OIT3: variants seen among roughly 807,000 people sequenced by gnomAD.
The protein encoded by OIT3 is oncoprotein-induced transcript 3 protein.
Under a neutral mutation model 52.2 loss-of-function variants are expected in OIT3, and 41 were observed. The ratio of observed to expected loss-of-function variants is 0.79; its 90% CI spans 0.61 to 1.02. OIT3 has a LOEUF of 1.02. Ranked by LOEUF, OIT3 falls within the 50% of genes least tolerant of loss-of-function variation. OIT3 has a pLI of 0.00. For missense variants in OIT3, 634 were observed against 715.5 expected (o/e 0.89, Z 1.30); for synonymous variants, 244 against 276.9 (o/e 0.88, Z 1.18).
chr10:72,930,518 G>T lies in OIT3; in HGVS notation c.1368-20G>T. On this transcript the variant is annotated intron_variant, in intron 7 of 8. Transcript: ENST00000334011. ...CTGTTGAAACAATCAAGTCTTATGT[G>T]CTATCTGCCCTACTTTCAGCTGTGT... The T allele has an allele frequency of 6.5e-7, 1 of 1,549,276 alleles. No individual in the cohort carries two copies. The highest frequency in any genetic ancestry group is 8.9e-7 in the Non-Finnish European group (1 of 1,121,448).
At chr10:72,899,117 C>A in intron 2 of OIT3, 79 bp downstream of exon 2, 1 of 1,294,026 alleles carries the variant, frequency 7.7e-7, no homozygotes, top group Non-Finnish European at 1.1e-6. Flanking sequence ...ATAGGATATG[C>A]AGTTACAGTG....
rs1012221305 is a variant in OIT3, at chr10:72,908,904, T to C, written c.667+2186T>C. On this transcript the variant is annotated intron_variant, in intron 4 of 8. Transcript: ENST00000334011. ...CTTTAGCTAAGCTATTTGATAATTA[T>C]ATGTTCTTTTTTTTTAAAAAAAAGG... Among the ~76,000 whole-genome samples, 3 of 152,040 alleles carry C rather than the reference T, an allele frequency of 2.0e-5. No individual in the cohort carries two copies. In the South Asian group the frequency reaches 6.2e-4, roughly 32 times the overall value.
chr10:72,930,348 G>A (rs1846205038), intron 7 of OIT3, among the ~76,000 whole-genome samples, 190 bp from the exon 8 acceptor site: 1 of 152,228 alleles, frequency 6.6e-6, no homozygotes, highest in Non-Finnish European at 1.5e-5. Flanking sequence ...GATGCTATTA[G>A]TAAATAAGGC....
At chr10:72,923,714 A>C (rs759457499) in intron 6 of OIT3, among the ~76,000 whole-genome samples, 9 of 152,246 alleles carry the variant, frequency 5.9e-5, no homozygotes, top group Non-Finnish European at 1.3e-4. Flanking sequence ...ATCCAGGAGA[A>C]ACAGGATCGA....
chr10:72,914,504 G>A (rs909833857), intron 6 of OIT3, among the ~76,000 whole-genome samples: 2 of 152,220 alleles, frequency 1.3e-5, no homozygotes, highest in African/African-American at 2.4e-5. Flanking sequence ...GATATTCAAG[G>A]AGCAGGCGGT....
intron 1 of OIT3, among the ~76,000 whole-genome samples, chr10:72,897,276 G>A (rs1346622277): frequency 2.0e-5 from 3 of 152,040 alleles, no homozygotes; most frequent in African/African-American, 4.8e-5. Context: ...CACCCGCCTC[G>A]GCCCCCCAAA....
intron 4 of OIT3, among the ~76,000 whole-genome samples, chr10:72,909,906 A>G (rs1846015234): frequency 6.6e-6 from 1 of 152,154 alleles, no homozygotes; most frequent in Admixed American, 6.5e-5. Context: ...TTGGCCTCCC[A>G]AAGGGCTGGG....
intron 6 of OIT3, chr10:72,918,677 G>C: frequency 1.7e-6 from 1 of 594,196 alleles, no homozygotes; most frequent in Non-Finnish European, 3.0e-6. Context: ...CGTATATGGT[G>C]TAAGGAAGGG....
At chr10:72,904,708 T>TA (rs1845963605) in intron 3 of OIT3, among the ~76,000 whole-genome samples, 2 of 152,232 alleles carry the variant, frequency 1.3e-5, no homozygotes, top group Admixed American at 6.5e-5. Flanking sequence ...TCAAAGCCTC[T>TA]AATTATCACG....
At chr10:72,920,235 T>C (rs1369551927) in intron 6 of OIT3, among the ~76,000 whole-genome samples, 1 of 152,216 alleles carries the variant, frequency 6.6e-6, no homozygotes. Context: ...TTTATAATAT[T>C]CTCTGATGGT....
chr10:72,911,241 A>G (rs185855026), intron 4 of OIT3, among the ~76,000 whole-genome samples: 1 of 152,192 alleles, frequency 6.6e-6, no homozygotes, highest in Non-Finnish European at 1.5e-5. Flanking sequence ...CTCTTGTCCT[A>G]AATATTTGAG....
chr10:72,927,669 G>A (rs1050240748), intron 7 of OIT3, among the ~76,000 whole-genome samples: 8 of 152,162 alleles, frequency 5.3e-5, no homozygotes, highest in African/African-American at 1.9e-4. Context: ...ATGGCTCATA[G>A]GCCATTACCC....
In OIT3 at chr10:72,906,669, TG is replaced by T; in HGVS notation, c.619del (p.Glu207SerfsTer8). 1 of 1,611,670 alleles carries T rather than the reference TG, an allele frequency of 6.2e-7. No homozygotes were observed. The highest frequency in any genetic ancestry group is 8.5e-7 in the Non-Finnish European group (1 of 1,178,784). ...CVNLKNSYRC[E>X]CGVGRVLRSD... ...TGAACCTCAAAAACTCCTACCGCTG[TG>T]AGTGTGGGGTTGGCCGTGTGCTAAG... On this transcript the variant is annotated frameshift_variant, in exon 4 of 9. Coordinates refer to ENST00000334011, the MANE Select transcript of OIT3 (RefSeq NM_152635.3). LOFTEE classifies it high-confidence loss of function.
chr10:72,901,164 T>C (rs972435409), intron 3 of OIT3, among the ~76,000 whole-genome samples: 3 of 152,154 alleles, frequency 2.0e-5, no homozygotes, highest in African/African-American at 7.2e-5. Context: ...TAAAATTAAT[T>C]TCGCCAGTTT....
Position 72,924,226 on chromosome 10 carries a change from C to G in OIT3, c.952-3C>G. The G allele has an allele frequency of 5.0e-6, 8 of 1,585,944 alleles. No individual in the cohort carries two copies. The highest frequency in any genetic ancestry group is 6.9e-6 in the Non-Finnish European group (8 of 1,162,374). ...TTCCTCTCCTCACCCTGGCCTGGCT[C>G]AGGTGGTGAATGACAAGATTGTGGC... On this transcript the variant is annotated splice_polypyrimidine_tract_variant and splice_region_variant and intron_variant, in intron 6 of 8. Transcript: ENST00000334011.
chr10:72,895,015 C>G (rs1845862038), intron 1 of OIT3, among the ~76,000 whole-genome samples: 1 of 152,152 alleles, frequency 6.6e-6, no homozygotes, highest in Admixed American at 6.5e-5. Context: ...TAAGTGTGGA[C>G]TTGAGTTAAT....
intron 7 of OIT3, among the ~76,000 whole-genome samples, chr10:72,930,122 C>T (rs1164277767): frequency 6.6e-6 from 1 of 152,144 alleles, no homozygotes; most frequent in Non-Finnish European, 1.5e-5. Flanking sequence ...GTGTCCAATA[C>T]ATAGTTAATA....
At chr10:72,902,260 C>T (rs544761389) in intron 3 of OIT3, among the ~76,000 whole-genome samples, 6 of 152,120 alleles carry the variant, frequency 3.9e-5, no homozygotes, top group Admixed American at 3.9e-4. Flanking sequence ...TATTTCTGTT[C>T]AAAAATATTT....
intron 6 of OIT3, among the ~76,000 whole-genome samples, chr10:72,920,102 T>C (rs1228635651): frequency 1.3e-5 from 2 of 152,210 alleles, no homozygotes; most frequent in Non-Finnish European, 2.9e-5. Flanking sequence ...TTGTAGGCTA[T>C]TACTGCCTCA....
Sources: gnomAD v4.1 joint callset for allele counts (sites outside exome capture counted in the v4.1 genomes callset) on GRCh38, gnomAD v4.1.1 for gene constraint, MANE v1.5 for transcripts, NCBI Gene and HGNC (gene_info 2026-07-23, HGNC 2026-07-21) for gene names.